The following GREM2 variants were observed in gnomAD, a reference collection of about 807,000 sequenced individuals.
GREM2 encodes the protein gremlin 2, DAN family BMP antagonist, also known as gremlin-2.
Under a neutral mutation model 14.2 loss-of-function variants are expected in GREM2, and 11 were observed. That is an observed-to-expected ratio of 0.78 (90% CI 0.49 to 1.28). GREM2 has a LOEUF of 1.28. Among genes scored for constraint, GREM2 ranks in the 50% most tolerant of loss-of-function variants. GREM2 has a pLI of 0.00. For missense variants in GREM2, 210 were observed against 218.5 expected (o/e 0.96, Z 0.24); for synonymous variants, 98 against 97.6 (o/e 1.00, Z -0.02).
chr1:240,581,637 T>C (rs1367795638), intron 1 of GREM2, among the ~76,000 whole-genome samples: 1 of 152,224 alleles, frequency 6.6e-6, no homozygotes, highest in Non-Finnish European at 1.5e-5. Flanking sequence ...ATTGTGTTGC[T>C]TTAGAATTCA....
At chr1:240,589,855 G>C (rs1286772606) in intron 1 of GREM2, among the ~76,000 whole-genome samples, 2 of 152,200 alleles carry the variant, frequency 1.3e-5, no homozygotes, top group Non-Finnish European at 2.9e-5. Flanking sequence ...GAAAGGGAAG[G>C]CTTGCTGGAA....
chr1:240,503,718 T>C (rs1304795804), intron 1 of GREM2, among the ~76,000 whole-genome samples: 1 of 152,220 alleles, frequency 6.6e-6, no homozygotes, highest in Non-Finnish European at 1.5e-5. Context: ...CTCTGGCCAC[T>C]GTTAGTCACT....
At chr1:240,554,301 C>T (rs1319045810) in intron 1 of GREM2, among the ~76,000 whole-genome samples, 1 of 151,532 alleles carries the variant, frequency 6.6e-6, no homozygotes, top group Non-Finnish European at 1.5e-5. Flanking sequence ...ATCCCAGCTA[C>T]TCGGGAGGCT....
At chr1:240,573,725 A>C (rs1679304127) in intron 1 of GREM2, among the ~76,000 whole-genome samples, 2 of 152,178 alleles carry the variant, frequency 1.3e-5, no homozygotes, top group African/African-American at 2.4e-5. Context: ...TCCTTTGAGG[A>C]CTGTGCTATT....
rs114729202 is a variant in GREM2 at position 240,528,236 on chromosome 1, G to A, written c.-1-34760C>T. On this transcript the variant is annotated intron_variant, in intron 1 of 1. Transcript: ENST00000318160. ...ATCAAATTTTACTCTGAGAGATACAGTTGCCTTTTAAATAATGAAATTTCT... is the reference window on the plus strand; with the variant it reads ...ATCAAATTTTACTCTGAGAGATACAATTGCCTTTTAAATAATGAAATTTCT... Among the ~76,000 whole-genome samples the A allele has an allele frequency of 8.2e-3, 1,250 of 152,266 alleles. 18 individuals carry two copies. The highest frequency in any genetic ancestry group is 0.028 in the African/African-American group (1,143 of 41,556).
chr1:240,543,918 C>T lies in GREM2; in HGVS notation c.-1-50442G>A, dbSNP rs1183984200. Among the ~76,000 whole-genome samples the T allele has an allele frequency of 6.6e-6, 1 of 152,096 alleles. No homozygotes were observed. Among genetic ancestry groups the T allele is most frequent in the African/African-American group, 2.4e-5 (1 of 41,428 alleles). ...GAACAAGCACAGAACTAAAGGGTGA[C>T]CCTCCATACCTGTGGGTTCCACATT... On this transcript the variant is annotated intron_variant, in intron 1 of 1. Coordinates refer to ENST00000318160, the MANE Select transcript of GREM2 (RefSeq NM_022469.4). This position sits in a 1 kb window ranked among gnomAD's most constrained non-coding sequence, Gnocchi z 6.4.
At chr1:240,520,622 T>A (rs59253305) in intron 1 of GREM2, among the ~76,000 whole-genome samples, 21,398 of 152,080 alleles carry the variant, frequency 0.14, 1,765 homozygotes, top group East Asian at 0.27. Context: ...GGCTCACTAC[T>A]ACCTCTGCCT....
chr1:240,500,521 T>A (rs890894565), intron 1 of GREM2, among the ~76,000 whole-genome samples: 1 of 152,050 alleles, frequency 6.6e-6, no homozygotes, highest in Non-Finnish European at 1.5e-5. Flanking sequence ...GCCAGGCTGG[T>A]CTCGAACTTC....
Position 240,542,369 on chromosome 1 carries a change from C to T in GREM2, c.-1-48893G>A, listed in dbSNP as rs1221822939. Among the ~76,000 whole-genome samples, 2 of 151,024 alleles carry T rather than the reference C, an allele frequency of 1.3e-5. No individual in the cohort carries two copies. The highest frequency in any genetic ancestry group is 4.9e-5 in the African/African-American group (2 of 41,054). On this transcript the variant is annotated intron_variant, in intron 1 of 1. Coordinates refer to ENST00000318160, the MANE Select transcript of GREM2 (RefSeq NM_022469.4). The surrounding 1 kb of genome is among the most constrained non-coding windows in gnomAD (Gnocchi z 4.1). ...CGTCTAATCCCAGTACTTTGGGAGG[C>T]CGAGGTGGGCAGATCACTTGCGGCC...
At chr1:240,602,565 T>G (rs935465057) in intron 1 of GREM2, among the ~76,000 whole-genome samples, 7 of 152,122 alleles carry the variant, frequency 4.6e-5, no homozygotes, top group Admixed American at 3.9e-4. Flanking sequence ...CAGCCTGTAA[T>G]CCCAGCACTT....
intron 1 of GREM2, among the ~76,000 whole-genome samples, chr1:240,545,029 G>C (rs1312174477): frequency 6.6e-6 from 1 of 152,178 alleles, no homozygotes; most frequent in East Asian, 1.9e-4. Context: ...AAATCTTTGG[G>C]CTCCTCAAAA....
intron 1 of GREM2, among the ~76,000 whole-genome samples, chr1:240,579,584 G>A (rs754840169): frequency 6.6e-6 from 1 of 152,158 alleles, no homozygotes; most frequent in Non-Finnish European, 1.5e-5. Flanking sequence ...GAAAGCAAAG[G>A]TGTTTCGTTC....
At chr1:240,509,047 C>G (rs147993140) in intron 1 of GREM2, among the ~76,000 whole-genome samples, 1 of 152,336 alleles carries the variant, frequency 6.6e-6, no homozygotes, top group East Asian at 1.9e-4. Context: ...AAATTTAGAT[C>G]TAACATCTCT....
rs1244881124 is a variant in GREM2 at position 240,542,953 on chromosome 1, C to T, written c.-1-49477G>A. ...CCACTCTTAGAAGTTCTGTAAGATC[C>T]CACCAAAAAATATCACCTTCTTTGT... On this transcript the variant is annotated intron_variant, in intron 1 of 1. Coordinates refer to ENST00000318160, the MANE Select transcript of GREM2 (RefSeq NM_022469.4). This position sits in a 1 kb window ranked among gnomAD's most constrained non-coding sequence, Gnocchi z 4.1. Among the ~76,000 whole-genome samples, 1 of 152,102 alleles carries T rather than the reference C, an allele frequency of 6.6e-6. No homozygotes were observed. Among genetic ancestry groups the T allele is most frequent in the East Asian group, 1.9e-4 (1 of 5,184 alleles).
intron 1 of GREM2, among the ~76,000 whole-genome samples, chr1:240,502,830 C>A (rs1469343272): frequency 6.6e-6 from 1 of 152,146 alleles, no homozygotes; most frequent in African/African-American, 2.4e-5. Flanking sequence ...CTTCATAGAC[C>A]TTTCTACACA....
At chr1:240,550,536 G>T (rs2103337579) in intron 1 of GREM2, among the ~76,000 whole-genome samples, 1 of 152,302 alleles carries the variant, frequency 6.6e-6, no homozygotes, top group East Asian at 1.9e-4. Flanking sequence ...AAAATGATCA[G>T]ATTCTGTGCC....
intron 1 of GREM2, among the ~76,000 whole-genome samples, chr1:240,575,115 A>T (rs1045814253): frequency 1.1e-4 from 16 of 152,108 alleles, no homozygotes; most frequent in African/African-American, 1.7e-4. Flanking sequence ...TCCAAAAAAA[A>T]AATAATAATA....
chr1:240,521,503 G>A (rs1006613835), intron 1 of GREM2, among the ~76,000 whole-genome samples: 4 of 151,856 alleles, frequency 2.6e-5, no homozygotes, highest in Admixed American at 1.3e-4. Context: ...CCCGGGAGGC[G>A]GAGCTTACAG....
chr1:240,593,155 AAAAAT>A (rs1160172169), intron 1 of GREM2, among the ~76,000 whole-genome samples: 5 of 152,032 alleles, frequency 3.3e-5, no homozygotes, highest in African/African-American at 9.7e-5. Context: ...AAGAAAAGAA[AAAAAT>A]AAAATAAAAT....
Sources: allele counts gnomAD v4.1 joint callset (sites outside exome capture counted in the v4.1 genomes callset), GRCh38; gene constraint gnomAD v4.1.1; non-coding constraint Gnocchi (gnomAD v3.1); transcripts MANE v1.5; gene names NCBI Gene and HGNC (gene_info 2026-07-23, HGNC 2026-07-21).